COPG2: variants seen among roughly 807,000 people sequenced by gnomAD.
COPG2 encodes the protein coat protein complex I subunit gamma 2.
In COPG2, 37 loss-of-function variants were observed where a neutral mutation model predicts 46.3. That is an observed-to-expected ratio of 0.80 (90% CI 0.61 to 1.05). COPG2 has a LOEUF of 1.05. Ranked by LOEUF, COPG2 falls within the 50% of genes least tolerant of loss-of-function variation. COPG2 has a pLI of 0.00. For synonymous variants in COPG2, 159 were observed against 129.7 expected (o/e 1.23, Z -1.53); for missense variants, 427 against 387.8 (o/e 1.10, Z -0.85).
chr7:130,515,950 A>AG (rs1456647583), intron 20 of COPG2, among the ~76,000 whole-genome samples: 147 of 152,110 alleles, frequency 9.7e-4, no homozygotes, highest in African/African-American at 3.2e-3. Context: ...TGAGGTTATG[A>AG]GGGGTCACTG....
intron 20 of COPG2, among the ~76,000 whole-genome samples, chr7:130,530,078 T>C (rs1374933098): frequency 6.6e-6 from 1 of 152,082 alleles, no homozygotes; most frequent in Non-Finnish European, 1.5e-5. Context: ...GCTTCATGTT[T>C]GGAAGACGCA....
intron 9 of COPG2, among the ~76,000 whole-genome samples, chr7:130,606,395 T>C (rs1794733217): frequency 6.6e-6 from 1 of 152,154 alleles, no homozygotes; most frequent in East Asian, 1.9e-4. Context: ...TTAAGGACAC[T>C]GCTGGTCAGG....
At chr7:130,608,036 T>A (rs1316894778) in intron 9 of COPG2, 1 of 339,436 alleles carries the variant, frequency 2.9e-6, no homozygotes, top group Non-Finnish European at 5.7e-6. Context: ...AGCTACACCA[T>A]TATTGGAAGG....
intron 5 of COPG2, among the ~76,000 whole-genome samples, chr7:130,645,935 T>C (rs1347289082): frequency 9.2e-5 from 14 of 152,216 alleles, no homozygotes; most frequent in Admixed American, 9.2e-4. Context: ...ACAGGTCCAC[T>C]TTTGCTTTGA....
At chr7:130,615,864 C>T (rs1794941118) in intron 6 of COPG2, among the ~76,000 whole-genome samples, 1 of 152,192 alleles carries the variant, frequency 6.6e-6, no homozygotes, top group South Asian at 2.1e-4. Context: ...TGTGGGCCAG[C>T]CAGTGGTTGT....
At chr7:130,637,198 G>A (rs1452211804) in intron 5 of COPG2, among the ~76,000 whole-genome samples, 2 of 152,118 alleles carry the variant, frequency 1.3e-5, no homozygotes, top group Non-Finnish European at 2.9e-5. Context: ...ACAATTATGT[G>A]TTGTGGGGTT....
chr7:130,667,130 C>T (rs1796100683), intron 2 of COPG2, among the ~76,000 whole-genome samples: 1 of 152,166 alleles, frequency 6.6e-6, no homozygotes, highest in Admixed American at 6.5e-5. Context: ...CTTAGGTTGA[C>T]TACTTCAACT....
intron 9 of COPG2, among the ~76,000 whole-genome samples, chr7:130,569,737 A>G (rs1793863469): frequency 6.6e-6 from 1 of 152,154 alleles, no homozygotes; most frequent in South Asian, 2.1e-4. Flanking sequence ...TACCAAAACC[A>G]GGAAACGACA....
intron 5 of COPG2, chr7:130,645,671 G>A (rs1220404313): frequency 6.3e-6 from 1 of 158,740 alleles, no homozygotes; most frequent in East Asian, 1.9e-4. Flanking sequence ...AAAGAAAGAA[G>A]CCAGATAAGA....
chr7:130,608,193 C>G lies in COPG2; in HGVS notation c.737+2760G>C, dbSNP rs782689589. 2.6e-5 allele frequency: 12 copies of G among 459,144 alleles called. No individual in the cohort carries two copies. The East Asian group carries it at 6.9e-4, about 26-fold the overall frequency. 28.4% of individuals were successfully genotyped at this position (459,144 alleles called of 1,614,324 possible). ...ATTCATCCTTATCACAGTGTATCAT[C>G]AAATAATATACTACTGCATGATACA... On this transcript the variant is annotated intron_variant, in intron 9 of 23. Coordinates refer to ENST00000425248, the MANE Select transcript of COPG2 (RefSeq NM_012133.6).
At chr7:130,594,672 A>C (rs1305040677) in intron 9 of COPG2, among the ~76,000 whole-genome samples, 1 of 152,194 alleles carries the variant, frequency 6.6e-6, no homozygotes, top group Non-Finnish European at 1.5e-5. Flanking sequence ...AATAAAAGAC[A>C]ACCTAATTTT....
At chr7:130,617,963 T>C (rs1794977068) in intron 5 of COPG2, among the ~76,000 whole-genome samples, 1 of 151,626 alleles carries the variant, frequency 6.6e-6, no homozygotes, top group African/African-American at 2.4e-5. Context: ...TAGACTGGTG[T>C]TGTGGGGTGT....
At chr7:130,507,240 A>G (rs782004633) in intron 23 of COPG2, 34 bp downstream of exon 23, 1 of 780,240 alleles carries the variant, frequency 1.3e-6, no homozygotes, top group South Asian at 1.3e-5. Context: ...GCTTTGCAAG[A>G]AAATGGAAGG....
At chr7:130,634,177 T>C (rs1391788098) in intron 5 of COPG2, among the ~76,000 whole-genome samples, 1 of 152,204 alleles carries the variant, frequency 6.6e-6, no homozygotes, top group Non-Finnish European at 1.5e-5. Flanking sequence ...TTGTTCTTTT[T>C]GCTTAGGATT....
intron 11 of COPG2, among the ~76,000 whole-genome samples, chr7:130,561,738 T>C (rs1293969521): frequency 6.6e-6 from 1 of 152,334 alleles, no homozygotes; most frequent in South Asian, 2.1e-4. Flanking sequence ...AATATTGGTA[T>C]GGAATCCCTT....
intron 9 of COPG2, among the ~76,000 whole-genome samples, chr7:130,598,762 A>T (rs964718642): frequency 3.9e-5 from 6 of 152,188 alleles, no homozygotes; most frequent in Non-Finnish European, 8.8e-5. Flanking sequence ...CAAGTTCAAA[A>T]GATTTACCAA....
Position 130,667,543 on chromosome 7 carries a change from A to G in COPG2, c.38-9T>C, listed in dbSNP as rs1796112707. ...AGGATTGGAGCCACTACCTATTTAT[A>G]AAACAAAACAAAAAAATGTCCTGAA... is the stretch of plus-strand genomic sequence containing the variant. On this transcript the variant is annotated splice_polypyrimidine_tract_variant and intron_variant, in intron 1 of 23. Transcript: ENST00000425248. 6.2e-7 allele frequency: 1 copy of G among 1,611,612 alleles called. No homozygotes were observed. The highest frequency in any genetic ancestry group is 1.7e-5 in the Admixed American group (1 of 59,972).
intron 20 of COPG2, among the ~76,000 whole-genome samples, chr7:130,517,308 G>C (rs951285923): frequency 3.3e-5 from 5 of 152,164 alleles, no homozygotes. Context: ...TGGCAACTAG[G>C]CAGATCAGAT....
At chr7:130,550,088 AAT>A (rs1285381777) in intron 17 of COPG2, among the ~76,000 whole-genome samples, 5 of 152,132 alleles carry the variant, frequency 3.3e-5, no homozygotes, top group African/African-American at 1.2e-4. Context: ...CTCTAATAAA[AAT>A]ATGTCTTAAA....
Sources: gnomAD v4.1 joint callset for allele counts (sites outside exome capture counted in the v4.1 genomes callset) on GRCh38, gnomAD v4.1.1 for gene constraint, MANE v1.5 for transcripts, NCBI Gene and HGNC (gene_info 2026-07-23, HGNC 2026-07-21) for gene names.